Variants in MACROD2 observed in about 807,000 individuals in gnomAD.
The protein encoded by MACROD2 is ADP-ribose glycohydrolase MACROD2.
MACROD2 carries 36 observed loss-of-function variants against 70.4 expected under a neutral mutation model. That is an observed-to-expected ratio of 0.51 (90% confidence interval 0.39 to 0.68). MACROD2 has a LOEUF of 0.68. Ranked by LOEUF, MACROD2 falls within the 30% of genes least tolerant of loss-of-function variation. The pLI is 0.00. For synonymous variants in MACROD2, 172 were observed against 178.8 expected, an observed-to-expected ratio of 0.96 and a Z score of 0.30; for missense variants, 496 against 538.4, an observed-to-expected ratio of 0.92 and a Z score of 0.78.
At chr20:15,074,629 T>C (rs1369013663) in intron 5 of MACROD2, among the ~76,000 whole-genome samples, 1 of 152,186 alleles carries the variant, frequency 6.6e-6, no homozygotes, top group African/African-American at 2.4e-5. Context: ...TATCTGGCAC[T>C]ATCTCCAGGT....
At chr20:14,083,448 T>G (rs1016575104) in intron 2 of MACROD2, among the ~76,000 whole-genome samples, 1 of 152,024 alleles carries the variant, frequency 6.6e-6, no homozygotes, top group Non-Finnish European at 1.5e-5. Context: ...TGATTGTGTT[T>G]GTTGATCACT....
rs186823230 is a variant in MACROD2 at position 14,396,708 on chromosome 20, G to A, written c.272-96771G>A. ...TGGGAGGCTGAGGAGGGCGGATTACGAGGTCAGGAGATCAAGACCATCCTG... is the reference window on the plus strand; with the variant it reads ...TGGGAGGCTGAGGAGGGCGGATTACAAGGTCAGGAGATCAAGACCATCCTG... On this transcript the variant is annotated intron_variant, in intron 3 of 17. Transcript: ENST00000684519. Among the ~76,000 whole-genome samples, 300 of 151,976 alleles carry A rather than the reference G, an allele frequency of 2.0e-3. 1 individual carries two copies. The highest frequency in any genetic ancestry group is 4.0e-3 in the South Asian group (19 of 4,804).
chr20:14,593,775 TATAG>T (rs1981935280), intron 4 of MACROD2, among the ~76,000 whole-genome samples: 1 of 152,206 alleles, frequency 6.6e-6, no homozygotes, highest in South Asian at 2.1e-4. Flanking sequence ...AGAATATGTA[TATAG>T]AGTCTATTTA....
chr20:15,592,041 G>A (rs755949854), intron 8 of MACROD2, among the ~76,000 whole-genome samples: 5 of 152,032 alleles, frequency 3.3e-5, no homozygotes, highest in Non-Finnish European at 7.4e-5. Flanking sequence ...CCACCATCTC[G>A]GTCAAGTGTA....
At chr20:14,980,880 C>T (rs949501133) in intron 5 of MACROD2, among the ~76,000 whole-genome samples, 2 of 152,132 alleles carry the variant, frequency 1.3e-5, no homozygotes, top group African/African-American at 4.8e-5. Context: ...TTCACTTTTT[C>T]CTTGCTGCCT....
chr20:14,800,004 G>A (rs948315041), intron 5 of MACROD2, among the ~76,000 whole-genome samples: 1 of 151,996 alleles, frequency 6.6e-6, no homozygotes, highest in African/African-American at 2.4e-5. Context: ...TGCCAATATG[G>A]AAAGCTTTAG....
intron 3 of MACROD2, among the ~76,000 whole-genome samples, chr20:14,161,850 C>A (rs1175729308): frequency 6.6e-6 from 1 of 152,190 alleles, no homozygotes; most frequent in East Asian, 1.9e-4. Flanking sequence ...CACCTCAGCT[C>A]CCAAAGTGCT....
chr20:14,945,579 C>T (rs2074425198), intron 5 of MACROD2, among the ~76,000 whole-genome samples: 1 of 152,046 alleles, frequency 6.6e-6, no homozygotes, highest in African/African-American at 2.4e-5. Context: ...AATAACATCA[C>T]CTTAGTCTTA....
At chr20:14,252,137 A>G (rs570904028) in intron 3 of MACROD2, among the ~76,000 whole-genome samples, 11 of 152,192 alleles carry the variant, frequency 7.2e-5, no homozygotes, top group African/African-American at 2.4e-4. Flanking sequence ...GAGAAGTAAG[A>G]AATGGAGGAA....
intron 7 of MACROD2, among the ~76,000 whole-genome samples, chr20:15,457,806 T>C (rs2046748451): frequency 6.6e-6 from 1 of 152,094 alleles, no homozygotes; most frequent in African/African-American, 2.4e-5. Context: ...AATGATTCAA[T>C]CTTTTAGAGT....
At chr20:14,048,517 A>C (rs1161698841) in intron 2 of MACROD2, among the ~76,000 whole-genome samples, 2 of 152,178 alleles carry the variant, frequency 1.3e-5, no homozygotes, top group African/African-American at 4.8e-5. Flanking sequence ...AAACCCAAAA[A>C]ACTATCTATG....
At position 15,423,934 on chromosome 20, in the gene MACROD2, A is replaced by T. The variant is rs78873668; in HGVS notation, c.541-7471A>T. On this transcript the variant is annotated intron_variant, in intron 6 of 17. Transcript: ENST00000684519. ...GAATCTAAGATCAGGGTGCCAGCAT[A>T]GTCAGATTATGGTGAGAGCCCTCTT... Among the ~76,000 whole-genome samples the T allele has an allele frequency of 5.2e-3, 789 of 152,312 alleles. 2 individuals carry two copies. Among genetic ancestry groups the T allele is most frequent in the African/African-American group, 0.017 (705 of 41,580 alleles).
At chr20:14,327,284 T>A (rs1206184404) in intron 3 of MACROD2, 6 of 1,613,718 alleles carry the variant, frequency 3.7e-6, no homozygotes, top group Non-Finnish European at 3.4e-6. Flanking sequence ...TCTGAAGGAA[T>A]CCCAGCATTA....
intron 3 of MACROD2, among the ~76,000 whole-genome samples, chr20:14,427,297 A>T (rs931678150): frequency 6.6e-6 from 1 of 151,826 alleles, no homozygotes; most frequent in African/African-American, 2.4e-5. Context: ...TGGCCTTTGA[A>T]TTATTTGACA....
chr20:14,466,925 G>A (rs1474626210), intron 3 of MACROD2, among the ~76,000 whole-genome samples: 1 of 152,096 alleles, frequency 6.6e-6, no homozygotes, highest in Non-Finnish European at 1.5e-5. Flanking sequence ...CCGGCTGTGT[G>A]AGGTGTCAGT....
intron 4 of MACROD2, among the ~76,000 whole-genome samples, chr20:14,546,623 C>G (rs1208105642): frequency 1.3e-5 from 2 of 152,148 alleles, no homozygotes; most frequent in Admixed American, 1.3e-4. Context: ...TGCCTTTTTA[C>G]TCAACTCTTC....
At chr20:15,802,438 A>G (rs1326145590) in intron 8 of MACROD2, among the ~76,000 whole-genome samples, 1 of 152,122 alleles carries the variant, frequency 6.6e-6, no homozygotes, top group Non-Finnish European at 1.5e-5. Flanking sequence ...TTCTGCATCT[A>G]TTGAGATGAT....
intron 5 of MACROD2, among the ~76,000 whole-genome samples, chr20:15,097,327 T>G (rs753984894): frequency 1.3e-5 from 2 of 152,186 alleles, no homozygotes; most frequent in Non-Finnish European, 2.9e-5. Context: ...AAATGATGAG[T>G]ATCTTTGCAC....
chr20:15,226,194 T>G (rs2076904524), intron 5 of MACROD2, among the ~76,000 whole-genome samples: 1 of 152,198 alleles, frequency 6.6e-6, no homozygotes, highest in African/African-American at 2.4e-5. Context: ...GAGAGTGACT[T>G]GCAGAAGGTC....
Sources: gnomAD v4.1 joint callset for allele counts (sites outside exome capture counted in the v4.1 genomes callset) on GRCh38, gnomAD v4.1.1 for gene constraint, MANE v1.5 for transcripts, NCBI Gene and HGNC (gene_info 2026-07-23, HGNC 2026-07-21) for gene names.